The following ARHGAP9 variants were observed in gnomAD, a reference collection of about 807,000 sequenced individuals.
ARHGAP9 encodes Rho GTPase activating protein 9, also known as rho GTPase-activating protein 9.
A neutral mutation model predicts 87.3 loss-of-function variants in ARHGAP9; 76 were observed. The ratio of observed to expected loss-of-function variants is 0.87; its 90% CI spans 0.72 to 1.05. ARHGAP9 has a LOEUF of 1.05. Ranked by LOEUF, ARHGAP9 falls within the 50% of genes least tolerant of loss-of-function variation. ARHGAP9 has a pLI of 0.00. For missense variants in ARHGAP9, 941 were observed against 960.5 expected, an observed-to-expected ratio of 0.98 and a Z score of 0.27; for synonymous variants, 382 against 394.9, an observed-to-expected ratio of 0.97 and a Z score of 0.39.
upstream of ARHGAP9, among the ~76,000 whole-genome samples, chr12:57,482,588 C>T (rs966552708): frequency 6.6e-6 from 1 of 151,976 alleles, no homozygotes; most frequent in Non-Finnish European, 1.5e-5. Context: ...CCTTGTAGTC[C>T]CAGCTGCTCG....
At chr12:57,487,843 C>T in intron 1 of ARHGAP9, 1 of 482,966 alleles carries the variant, frequency 2.1e-6, no homozygotes. Context: ...AGGGAGACGC[C>T]CTCTCACAAA....
chr12:57,488,419 T>A (rs1236747527), intron 1 of ARHGAP9: 1 of 776,578 alleles, frequency 1.3e-6, no homozygotes. Flanking sequence ...ATCTCTCTCC[T>A]CCCCTCTTCC....
Position 57,473,693 on chromosome 12 carries a change from T to C in ARHGAP9, c.1934A>G (p.Glu645Gly), listed in dbSNP as rs1307010081. 1 of 1,613,816 alleles carries C rather than the reference T, an allele frequency of 6.2e-7. No homozygotes were observed. The highest frequency in any genetic ancestry group is 2.2e-5 in the East Asian group (1 of 44,894). Residue 645 changes from glutamate (E) to glycine (G), a missense_variant, in exon 17 of 18, where the codon GAG becomes GGG. By Grantham distance (98) the Glu-to-Gly change is moderately conservative (BLOSUM62 -2). Transcript: ENST00000393791. ...FRAALALSES[E>G]QCLSQIQELI... ...TTCTTGTATCTGAGAGAGGCACTGC[T>C]CTGATTCGGAGAGTGCTAGAGAGAG...
intron 1 of ARHGAP9, 34 bp from the exon 2 acceptor site, chr12:57,479,458 G>A (rs1481213977): frequency 6.3e-7 from 1 of 1,583,708 alleles, no homozygotes. Context: ...GACCCAGAAG[G>A]GAATAGGCCT....
Position 57,477,108 on chromosome 12 carries a change from A to G in ARHGAP9, c.870+48T>C, listed in dbSNP as rs372378046. 3.9e-5 allele frequency: 62 copies of G among 1,597,636 alleles called. No homozygotes were observed. The African/African-American group carries it at 7.2e-4, about 19-fold the overall frequency. On this transcript the variant is annotated intron_variant, in intron 5 of 17. Transcript: ENST00000393791. ...GTCTTACACAAAACAGAAAGTCATA[A>G]CAAGCTGGCTTTTTCTGCATGTGAC... is the stretch of plus-strand genomic sequence containing the variant.
exon 1 of ARHGAP9, chr12:57,488,782 C>A (rs1476716027): frequency 3.2e-6 from 3 of 933,412 alleles, no homozygotes; most frequent in Non-Finnish European, 3.3e-6. Context: ...AATACCACCA[C>A]CTCCTCTGCA....
chr12:57,482,532 G>A (rs1324106295), upstream of ARHGAP9, among the ~76,000 whole-genome samples: 1 of 151,864 alleles, frequency 6.6e-6, no homozygotes, highest in South Asian at 2.1e-4. Flanking sequence ...GAGCCACCGC[G>A]CCTGGCCAAA....
chr12:57,476,007 C>A, intron 9 of ARHGAP9, 64 bp downstream of exon 9: 1 of 1,515,492 alleles, frequency 6.6e-7, no homozygotes, highest in Admixed American at 2.1e-5. Flanking sequence ...GGGAGGCCTG[C>A]GCGGGAGATT....
At chr12:57,473,520 T>C (rs1872547390) in intron 17 of ARHGAP9, 83 bp downstream of exon 17, 1 of 1,316,668 alleles carries the variant, frequency 7.6e-7, no homozygotes, top group African/African-American at 1.5e-5. Context: ...CTTCCCTACC[T>C]TCACTCCACC....
Position 57,474,985 on chromosome 12 carries a change from G to GAGTGAGGCGGGAAGCCA in ARHGAP9, c.1553-29_1553-13dup. 1 of 1,612,460 alleles carries GAGTGAGGCGGGAAGCCA rather than the reference G, an allele frequency of 6.2e-7. No homozygotes were observed. The highest frequency in any genetic ancestry group is 8.5e-7 in the Non-Finnish European group (1 of 1,179,582). ...GCCGAACACCTGGTCTGGGGAAGTAGAGTGAGGCGGGAAGCCAGTGCCAGC... is the reference window on the plus strand; with the variant it reads ...GCCGAACACCTGGTCTGGGGAAGTAGAGTGAGGCGGGAAGCCAAGTGAGGCGGGAAGCCAGTGCCAGC... On this transcript the variant is annotated splice_polypyrimidine_tract_variant and intron_variant, in intron 12 of 17. Transcript: ENST00000393791.
chr12:57,473,944 G>A, intron 16 of ARHGAP9, 98 bp downstream of exon 16: 1 of 1,462,908 alleles, frequency 6.8e-7, no homozygotes, highest in Non-Finnish European at 9.1e-7. Flanking sequence ...CATCTCTAAA[G>A]TCAGAATGGG....
Position 57,475,418 on chromosome 12 carries a change from C to G in ARHGAP9, c.1445-20G>C, listed in dbSNP as rs372576936. On this transcript the variant is annotated intron_variant, in intron 11 of 17. Coordinates refer to ENST00000393791, the MANE Select transcript of ARHGAP9 (RefSeq NM_032496.4). ...CCCGAACTGCAGGAGGCAGGTAGAG[C>G]GGGGCGTGAGCGCCCGGGAGCCTCG... The G allele has an allele frequency of 2.5e-6, 4 of 1,582,736 alleles. No homozygotes were observed. The highest frequency in any genetic ancestry group is 1.3e-5 in the African/African-American group (1 of 74,430).
In ARHGAP9 at chr12:57,477,603, T is replaced by G. The variant is rs1594785286; in HGVS notation, c.612A>C (p.Pro204=). The G allele has an allele frequency of 6.2e-7, 1 of 1,609,996 alleles. No homozygotes were observed. The highest frequency in any genetic ancestry group is 8.5e-7 in the Non-Finnish European group (1 of 1,178,618). Residue 204 remains proline (P), a synonymous_variant, in exon 4 of 18, where the codon CCA becomes CCC. Transcript: ENST00000393791. ...GCAGGGGGCATGCAGGGCCTGGGGG[T>G]GGGGACCGAGGACAGCGGCGAAGGT... ...LVDLRRCPRS[P]PPGPACPLLQ...
At chr12:57,474,832 T>C in intron 13 of ARHGAP9, 43 bp downstream of exon 13, 2 of 1,612,548 alleles carry the variant, frequency 1.2e-6, no homozygotes, top group East Asian at 4.5e-5. Flanking sequence ...ATTCTAGGCC[T>C]TAGCCTGTTG....
upstream of ARHGAP9, chr12:57,480,816 C>T: frequency 6.4e-7 from 1 of 1,550,610 alleles, no homozygotes; most frequent in Non-Finnish European, 8.7e-7. Context: ...AGCTTCTCCA[C>T]TGCACAATGT....
chr12:57,487,741 T>C lies in ARHGAP9; in HGVS notation c.-204+871A>G, dbSNP rs933864148. On this transcript the variant is annotated intron_variant, in intron 1 of 20. Transcript: ENST00000393797. ...GCACGTGCCTGTAGTCCCAGCTGCATGGGAGGCTGAGGCCGGAGAATCACT... is the reference window on the plus strand; with the variant it reads ...GCACGTGCCTGTAGTCCCAGCTGCACGGGAGGCTGAGGCCGGAGAATCACT... 9 of 239,092 alleles carry C rather than the reference T, an allele frequency of 3.8e-5. No individual in the cohort carries two copies. In the South Asian group the frequency reaches 5.6e-4, roughly 15 times the overall value. The allele number at this position is 239,092 out of a possible 1,614,324, so 14.8% of individuals were successfully genotyped here.
At position 57,477,277 on chromosome 12, in the gene ARHGAP9, A is replaced by G; in HGVS notation, c.757-8T>C. On this transcript the variant is annotated splice_region_variant and splice_polypyrimidine_tract_variant and intron_variant, in intron 4 of 17. Transcript: ENST00000393791. ...CTCCATGGAGCCAGGGTTCTGGGTT[A>G]GGGGAGGAGGAAATAAAGCTACATC... 6.4e-7 allele frequency: 1 copy of G among 1,551,016 alleles called. No individual in the cohort carries two copies. The highest frequency in any genetic ancestry group is 8.7e-7 in the Non-Finnish European group (1 of 1,148,846).
chr12:57,480,040 G>A (rs1874852893), upstream of ARHGAP9: 1 of 985,404 alleles, frequency 1.0e-6, no homozygotes, highest in Non-Finnish European at 1.2e-6. Context: ...AAGACAAAGT[G>A]GGAGAAACAC....
At chr12:57,473,487 C>A in intron 17 of ARHGAP9, 116 bp downstream of exon 17, 1 of 859,748 alleles carries the variant, frequency 1.2e-6, no homozygotes, top group Non-Finnish European at 1.9e-6. Flanking sequence ...CCTGCTTCCT[C>A]ACCTGCCCAT....
Sources: allele counts gnomAD v4.1 joint callset (sites outside exome capture counted in the v4.1 genomes callset), GRCh38; gene constraint gnomAD v4.1.1; transcripts MANE v1.5; gene names NCBI Gene and HGNC (gene_info 2026-07-23, HGNC 2026-07-21).